The following RALGAPA2 variants were observed in gnomAD, a reference collection of about 807,000 sequenced individuals.
The protein encoded by RALGAPA2 is ral GTPase-activating protein subunit alpha-2.
In RALGAPA2, 139 loss-of-function variants were observed where a neutral mutation model predicts 230.4. That is an observed-to-expected ratio of 0.60 (90% CI 0.53 to 0.69). The LOEUF (loss-of-function observed/expected upper bound fraction) is 0.69. Ranked by LOEUF, RALGAPA2 falls within the 30% of genes least tolerant of loss-of-function variation. The pLI, the probability that RALGAPA2 is intolerant of heterozygous loss-of-function variation, is 0.00. For synonymous variants in RALGAPA2, 847 were observed against 837.8 expected, an observed-to-expected ratio of 1.01 and a Z score of -0.19; for missense variants, 2,163 against 2,276.0, an observed-to-expected ratio of 0.95 and a Z score of 1.01.
chr20:20,567,570 G>A (rs763725638), intron 23 of RALGAPA2, among the ~76,000 whole-genome samples: 13 of 152,180 alleles, frequency 8.5e-5, no homozygotes, highest in Non-Finnish European at 1.6e-4. Flanking sequence ...TACGCTTGCT[G>A]TGAATCAATA....
At position 20,537,177 on chromosome 20, in the gene RALGAPA2, G is replaced by A. The variant is rs79516922; in HGVS notation, c.3286-393C>T. Among the ~76,000 whole-genome samples the A allele has an allele frequency of 1.2e-4, 19 of 152,258 alleles. No homozygotes were observed. In the East Asian group the frequency reaches 3.5e-3, roughly 28 times the overall value. ...AATTCATAGGGAAGTAGAGATGGAG[G>A]TAACTATCGGAGAGTAGAAAGAGAA... On this transcript the variant is annotated intron_variant, in intron 24 of 39. Coordinates refer to ENST00000202677, the MANE Select transcript of RALGAPA2 (RefSeq NM_020343.4).
Position 20,546,691 on chromosome 20 carries a change from T to C in RALGAPA2, c.3285+13A>G, listed in dbSNP as rs754037993. The C allele has an allele frequency of 4.4e-5, 69 of 1,585,986 alleles. 1 individual carries two copies. The highest frequency in any genetic ancestry group is 1.4e-4 in the South Asian group (12 of 85,686). On this transcript the variant is annotated intron_variant, in intron 24 of 39. Transcript: ENST00000202677. ...CTCTTGGGAGCTGGGATGCTGAGCA[T>C]TGTCATACTCACCGTCAAAATGTCT...
chr20:20,424,476 C>A (rs190597605), intron 37 of RALGAPA2, among the ~76,000 whole-genome samples: 27 of 152,134 alleles, frequency 1.8e-4, no homozygotes, highest in Admixed American at 1.8e-3. Context: ...GCCATGCTGA[C>A]GCCAATAACT....
At chr20:20,504,867 T>G (rs2062485340) in intron 34 of RALGAPA2, 1 of 491,800 alleles carries the variant, frequency 2.0e-6, no homozygotes, top group Admixed American at 6.4e-5. Context: ...TATGTGTGTA[T>G]AAATGTATAT....
chr20:20,641,705 T>C (rs1234697335), intron 5 of RALGAPA2, among the ~76,000 whole-genome samples: 1 of 151,142 alleles, frequency 6.6e-6, no homozygotes, highest in Non-Finnish European at 1.5e-5. Flanking sequence ...AAATGTCACA[T>C]GCAGCTGAAA....
chr20:20,442,021 C>A (rs1011135108), intron 37 of RALGAPA2, among the ~76,000 whole-genome samples: 7 of 152,160 alleles, frequency 4.6e-5, no homozygotes, highest in African/African-American at 1.7e-4. Flanking sequence ...TTGGTTTGCA[C>A]ATTCAAAGTA....
intron 10 of RALGAPA2, among the ~76,000 whole-genome samples, chr20:20,627,075 G>C (rs2066511300): frequency 6.6e-6 from 1 of 152,096 alleles, no homozygotes; most frequent in African/African-American, 2.4e-5. Flanking sequence ...TTAAAATCGT[G>C]GACTATTACG....
rs2061442697 is a variant in RALGAPA2 at position 20,467,449 on chromosome 20, G to T, written c.5495+5380C>A. Among the ~76,000 whole-genome samples, 4 of 152,038 alleles carry T rather than the reference G, an allele frequency of 2.6e-5. No individual in the cohort carries two copies. In the South Asian group the frequency reaches 8.3e-4, roughly 32 times the overall value. On this transcript the variant is annotated intron_variant, in intron 37 of 39. Transcript: ENST00000202677. ...AATATTTTCCTGTTTCCAATTTTGG[G>T]TACATCCTTTATTCTACATGATTTC...
chr20:20,668,127 A>G (rs917281876), intron 3 of RALGAPA2, among the ~76,000 whole-genome samples: 1 of 152,238 alleles, frequency 6.6e-6, no homozygotes, highest in Non-Finnish European at 1.5e-5. Flanking sequence ...ATACGGCTCT[A>G]CTGGAGGACT....
chr20:20,441,946 T>C (rs917363825), intron 37 of RALGAPA2, among the ~76,000 whole-genome samples: 1 of 152,212 alleles, frequency 6.6e-6, no homozygotes, highest in Non-Finnish European at 1.5e-5. Context: ...GAAAAAAAAT[T>C]TACTGTTTTT....
At chr20:20,480,425 T>A (rs149815547) in intron 36 of RALGAPA2, among the ~76,000 whole-genome samples, 1 of 152,322 alleles carries the variant, frequency 6.6e-6, no homozygotes, top group East Asian at 1.9e-4. Context: ...TATTACCCCA[T>A]GAGTTGGGGA....
intron 5 of RALGAPA2, among the ~76,000 whole-genome samples, chr20:20,643,193 T>G (rs964154389): frequency 6.6e-6 from 1 of 152,154 alleles, no homozygotes; most frequent in Non-Finnish European, 1.5e-5. Flanking sequence ...CACTTCCTTT[T>G]TCTGATGATA....
intron 37 of RALGAPA2, among the ~76,000 whole-genome samples, chr20:20,433,851 C>T (rs1383702760): frequency 3.9e-5 from 6 of 152,338 alleles, no homozygotes; most frequent in Non-Finnish European, 2.9e-5. Flanking sequence ...ATCCAGTATA[C>T]ATCAGTGAAA....
At chr20:20,407,331 T>C (rs891231346) in intron 38 of RALGAPA2, among the ~76,000 whole-genome samples, 5 of 152,250 alleles carry the variant, frequency 3.3e-5, no homozygotes, top group East Asian at 3.8e-4. Flanking sequence ...GTCTGTCACA[T>C]GACTATCCTT....
rs1470799709 is a variant in RALGAPA2, at chr20:20,619,407, G to A, written c.1409C>T (p.Ser470Phe). Residue 470 changes from serine to phenylalanine, a missense_variant, in exon 12 of 40, where the codon TCT (serine) becomes TTT (phenylalanine). Transcript: ENST00000202677. ...AGATCGTTTATGACCAGAACTTTCA[G>A]ATGAGGCCTTCAGAAGATAATGATC... The part of the protein sequence containing the change: ...FSETDSKEAS[S>F]ESSGHKRSSS... 1 of 1,599,228 alleles carries A rather than the reference G, an allele frequency of 6.3e-7. No individual in the cohort carries two copies. The highest frequency in any genetic ancestry group is 1.1e-5 in the South Asian group (1 of 88,132).
At chr20:20,680,108 A>G (rs1214130946) in intron 2 of RALGAPA2, among the ~76,000 whole-genome samples, 1 of 152,216 alleles carries the variant, frequency 6.6e-6, no homozygotes, top group Non-Finnish European at 1.5e-5. Context: ...CCCAAGGAGA[A>G]ACAGCTAGAA....
intron 2 of RALGAPA2, among the ~76,000 whole-genome samples, chr20:20,679,694 G>A (rs757950153): frequency 2.0e-5 from 3 of 151,854 alleles, no homozygotes; most frequent in Non-Finnish European, 4.4e-5. Context: ...CAGCAGTGCC[G>A]CTCTCTTCCA....
At chr20:20,706,302 C>A (rs2069601587) in intron 1 of RALGAPA2, among the ~76,000 whole-genome samples, 1 of 152,108 alleles carries the variant, frequency 6.6e-6, no homozygotes, top group Non-Finnish European at 1.5e-5. Flanking sequence ...TATACGTGTC[C>A]AAAGTTCCAT....
intron 36 of RALGAPA2, among the ~76,000 whole-genome samples, chr20:20,473,597 T>G (rs1446440613): frequency 6.6e-6 from 1 of 152,154 alleles, no homozygotes; most frequent in African/African-American, 2.4e-5. Context: ...TCCTCCCACC[T>G]CAGTCTCCTG....
Sources: allele counts gnomAD v4.1 joint callset (sites outside exome capture counted in the v4.1 genomes callset), GRCh38; gene constraint gnomAD v4.1.1; transcripts MANE v1.5; gene names NCBI Gene and HGNC (gene_info 2026-07-23, HGNC 2026-07-21).